PSMF1: variants seen among roughly 807,000 people sequenced by gnomAD.
The protein encoded by PSMF1 is proteasome inhibitor subunit 1.
A neutral mutation model predicts 29.3 loss-of-function variants in PSMF1; 30 were observed. The observed-to-expected ratio is 1.02, with a 90% CI of 0.77 to 1.39. The LOEUF (loss-of-function observed/expected upper bound fraction) is 1.39. Among genes scored for constraint, PSMF1 ranks in the 40% most tolerant of loss-of-function variants. PSMF1 has a pLI of 0.00. For synonymous variants in PSMF1, 134 were observed against 139.7 expected, an observed-to-expected ratio of 0.96 and a Z score of 0.29; for missense variants, 344 against 357.5, an observed-to-expected ratio of 0.96 and a Z score of 0.31.
chr20:1,123,230 A>G (rs2086112352), intron 1 of PSMF1, among the ~76,000 whole-genome samples: 1 of 152,184 alleles, frequency 6.6e-6, no homozygotes, highest in Admixed American at 6.5e-5. Flanking sequence ...AGGATTTCTG[A>G]GCACCAGGGG....
intron 3 of PSMF1, among the ~76,000 whole-genome samples, chr20:1,133,776 AT>A (rs1245477173): frequency 1.3e-5 from 2 of 150,546 alleles, no homozygotes; most frequent in East Asian, 3.9e-4. Flanking sequence ...TTTTTATTTT[AT>A]TTTTTTAGAA....
At chr20:1,133,569 A>ATATATATATATATATATATATTTTTTT in intron 3 of PSMF1, among the ~76,000 whole-genome samples, 5 of 53,302 alleles carry the variant, frequency 9.4e-5, no homozygotes, top group Admixed American at 2.0e-4. Flanking sequence ...ATATATATAT[A>ATATATATATATATATATATATTTTTTT]TTTTTTTTTT....
At chr20:1,144,653 G>T (rs1209830159) in intron 4 of PSMF1, among the ~76,000 whole-genome samples, 1 of 152,222 alleles carries the variant, frequency 6.6e-6, no homozygotes, top group Non-Finnish European at 1.5e-5. Flanking sequence ...TTATTATGCT[G>T]AGTGAAAGAA....
rs972561428 is a variant in PSMF1, at chr20:1,163,014, TTGTGC to T, written c.552-114_552-110del. 1.8e-6 allele frequency: 2 copies of T among 1,081,320 alleles called. No individual in the cohort carries two copies. The highest frequency in any genetic ancestry group is 3.1e-5 in the African/African-American group (2 of 64,114). The allele number at this position is 1,081,320 out of a possible 1,614,324, so 67.0% of individuals were successfully genotyped here. A position where few individuals can be genotyped will look rare whatever the true frequency, so the allele number is the denominator to read the frequency against. Reference sequence around the variant, plus strand: ...GCCAAGGACCACCCTGAAATATCCCTTGTGCTATGGTCTCATGCAAGGGTTTCCCA... The same window carrying T: ...GCCAAGGACCACCCTGAAATATCCCTTATGGTCTCATGCAAGGGTTTCCCA... On this transcript the variant is annotated intron_variant, in intron 4 of 6. Transcript: ENST00000335877. This position sits in a 1 kb window ranked among gnomAD's most constrained non-coding sequence, Gnocchi z 6.1.
intron 1 of PSMF1, among the ~76,000 whole-genome samples, chr20:1,124,498 CAACTT>C (rs1430011492): frequency 6.6e-6 from 1 of 152,156 alleles, no homozygotes; most frequent in Non-Finnish European, 1.5e-5. Context: ...CTTTAGAAAA[CAACTT>C]GACTTTATCT....
In PSMF1 at chr20:1,164,224, C is replaced by A; in HGVS notation, c.606-94C>A. ...TGCTTGGGCCATCCAGAGTAGACATCCCAGCCATTCTTGGTGCATTGTAAC... is the reference window on the plus strand; with the variant it reads ...TGCTTGGGCCATCCAGAGTAGACATACCAGCCATTCTTGGTGCATTGTAAC... On this transcript the variant is annotated intron_variant, in intron 5 of 6. Transcript: ENST00000335877. This position sits in a 1 kb window ranked among gnomAD's most constrained non-coding sequence, Gnocchi z 4.1. 7.6e-7 allele frequency: 1 copy of A among 1,315,686 alleles called. No homozygotes were observed. Among genetic ancestry groups the A allele is most frequent in the Non-Finnish European group, 1.1e-6 (1 of 918,740 alleles). The allele number at this position is 1,315,686 out of a possible 1,614,324, so 81.5% of individuals were successfully genotyped here. A position where few individuals can be genotyped will look rare whatever the true frequency, so the allele number is the denominator to read the frequency against.
At chr20:1,155,386 G>A (rs916766887) in intron 4 of PSMF1, among the ~76,000 whole-genome samples, 1 of 152,204 alleles carries the variant, frequency 6.6e-6, no homozygotes, top group Non-Finnish European at 1.5e-5. Context: ...GAGGACCTGT[G>A]GTCTCAAGAG....
At chr20:1,150,503 T>C (rs1053616700) in intron 4 of PSMF1, among the ~76,000 whole-genome samples, 1 of 151,890 alleles carries the variant, frequency 6.6e-6, no homozygotes, top group Non-Finnish European at 1.5e-5. Context: ...GGGACAGGAG[T>C]CCATGAGCCA....
At chr20:1,134,600 A>G (rs896853105) in intron 3 of PSMF1, among the ~76,000 whole-genome samples, 1 of 152,174 alleles carries the variant, frequency 6.6e-6, no homozygotes, top group African/African-American at 2.4e-5. Flanking sequence ...TCTCACAGGC[A>G]TAGAAAAAGA....
At position 1,118,985 on chromosome 20, in the gene PSMF1, C is replaced by G. The variant is rs557911668; in HGVS notation, c.129+83C>G. The G allele has an allele frequency of 3.8e-5, 58 of 1,513,580 alleles. No homozygotes were observed. In the East Asian group the frequency reaches 1.3e-3, roughly 34 times the overall value. 93.8% of individuals were successfully genotyped at this position (1,513,580 alleles called of 1,614,324 possible). On this transcript the variant is annotated intron_variant, in intron 1 of 6. Coordinates refer to ENST00000335877, the MANE Select transcript of PSMF1 (RefSeq NM_006814.5). ...GTACCGGAGGCCTGGTCCAGAGCGCCCGATTTCCCCGCTTCTCCCAGTGCA... is the reference window on the plus strand; with the variant it reads ...GTACCGGAGGCCTGGTCCAGAGCGCGCGATTTCCCCGCTTCTCCCAGTGCA...
At chr20:1,122,988 C>T (rs544225164) in intron 1 of PSMF1, among the ~76,000 whole-genome samples, 1 of 152,294 alleles carries the variant, frequency 6.6e-6, no homozygotes, top group South Asian at 2.1e-4. Context: ...TCCTGGCTTC[C>T]AAAGTAAACA....
chr20:1,159,025 C>T (rs1034541073), intron 4 of PSMF1, among the ~76,000 whole-genome samples: 7 of 149,460 alleles, frequency 4.7e-5, no homozygotes, highest in African/African-American at 1.7e-4. Context: ...CACTGTACTC[C>T]AGCCTGGGCA....
At chr20:1,135,885 G>C (rs766417397) in intron 4 of PSMF1, among the ~76,000 whole-genome samples, 4 of 152,172 alleles carry the variant, frequency 2.6e-5, no homozygotes, top group Admixed American at 1.3e-4. Flanking sequence ...TGCTCAGAGG[G>C]AGGAGACAAG....
intron 4 of PSMF1, among the ~76,000 whole-genome samples, chr20:1,151,648 T>C (rs946819737): frequency 1.2e-4 from 18 of 152,242 alleles, no homozygotes; most frequent in African/African-American, 4.3e-4. Flanking sequence ...GAGCTCACAG[T>C]TGATAGGGGC....
At chr20:1,116,777 G>GA (rs547508822), upstream of PSMF1, among the ~76,000 whole-genome samples, 349 of 145,532 alleles carry the variant, frequency 2.4e-3, 3 homozygotes, top group Middle Eastern at 3.5e-3. Flanking sequence ...TGCTTTGCAG[G>GA]AAAAAAAAAA....
chr20:1,159,057 C>CA (rs759292496), intron 4 of PSMF1, among the ~76,000 whole-genome samples: 816 of 69,850 alleles, frequency 0.012, 6 homozygotes, highest in Middle Eastern at 0.04. Flanking sequence ...CTCCGTCTCA[C>CA]AAAAAAAAAA....
chr20:1,138,450 G>C, intron 4 of PSMF1, among the ~76,000 whole-genome samples: 1 of 151,058 alleles, frequency 6.6e-6, no homozygotes, highest in African/African-American at 2.4e-5. Context: ...TTGAACCCGG[G>C]AGGTGGAGGT....
chr20:1,113,460 A>ACACG (rs1268835680), intron 1 of PSMF1: 2 of 152,456 alleles, frequency 1.3e-5, no homozygotes, highest in Non-Finnish European at 2.9e-5. Flanking sequence ...ACACACACAC[A>ACACG]CACACACACA....
chr20:1,151,702 T>C (rs573161728), intron 4 of PSMF1, among the ~76,000 whole-genome samples: 1 of 152,306 alleles, frequency 6.6e-6, no homozygotes, highest in South Asian at 2.1e-4. Flanking sequence ...TTTAAAACAA[T>C]GGTAGAAGTA....
Sources: allele counts gnomAD v4.1 joint callset (sites outside exome capture counted in the v4.1 genomes callset), GRCh38; gene constraint gnomAD v4.1.1; non-coding constraint Gnocchi (gnomAD v3.1); transcripts MANE v1.5; gene names NCBI Gene and HGNC (gene_info 2026-07-23, HGNC 2026-07-21).